PDZRN4: variants seen among roughly 807,000 people sequenced by gnomAD.
PDZRN4 encodes PDZ domain-containing RING finger protein 4.
A neutral mutation model predicts 99.0 loss-of-function variants in PDZRN4; 70 were observed. That is an observed-to-expected ratio of 0.71 (90% CI 0.58 to 0.86). The LOEUF (loss-of-function observed/expected upper bound fraction) is 0.86, where lower values mean the gene tolerates loss of function less well. Ranked by LOEUF, PDZRN4 falls within the 40% of genes least tolerant of loss-of-function variation. The pLI, the probability that PDZRN4 is intolerant of heterozygous loss-of-function variation, is 0.00. For synonymous variants in PDZRN4, 551 were observed against 501.6 expected (o/e 1.10, Z -1.32); for missense variants, 1,474 against 1,331.2 (o/e 1.11, Z -1.67).
chr12:41,349,218 C>T (rs2121033696), intron 3 of PDZRN4, among the ~76,000 whole-genome samples: 1 of 151,894 alleles, frequency 6.6e-6, no homozygotes, highest in South Asian at 2.1e-4. Context: ...AGTTTGAGAA[C>T]CACTGTTGTA....
chr12:41,513,896 CA>C (rs1938350804), intron 5 of PDZRN4, among the ~76,000 whole-genome samples: 2 of 152,042 alleles, frequency 1.3e-5, no homozygotes, highest in African/African-American at 4.8e-5. Context: ...GAAACCAATA[CA>C]CGAAAAATTT....
intron 3 of PDZRN4, among the ~76,000 whole-genome samples, chr12:41,236,171 A>G (rs1591979557): frequency 6.6e-6 from 1 of 152,214 alleles, no homozygotes; most frequent in Admixed American, 6.5e-5. Context: ...TAACACAGAT[A>G]AAAGTAAATG....
intron 3 of PDZRN4, among the ~76,000 whole-genome samples, chr12:41,387,781 A>C (rs1250942114): frequency 2.0e-5 from 3 of 152,212 alleles, no homozygotes; most frequent in African/African-American, 7.2e-5. Context: ...AAAATAACAG[A>C]TGCTGGTGAG....
intron 7 of PDZRN4, among the ~76,000 whole-genome samples, chr12:41,560,639 G>A (rs564190654): frequency 6.6e-6 from 1 of 152,098 alleles, no homozygotes; most frequent in Non-Finnish European, 1.5e-5. Flanking sequence ...CTCCCTTATT[G>A]CTGGGTCCTC....
chr12:41,455,722 A>T (rs1952812304), intron 3 of PDZRN4, among the ~76,000 whole-genome samples: 1 of 152,186 alleles, frequency 6.6e-6, no homozygotes, highest in Non-Finnish European at 1.5e-5. Context: ...TTTGGCTCCA[A>T]TAATACTTCC....
At position 41,406,660 on chromosome 12, in the gene PDZRN4, G is replaced by A. The variant is rs568421653; in HGVS notation, c.844-99796G>A. ...TGTAATCCCAGCACTTTGGGAGGCC[G>A]AGGCGGGCAGATCACCTGAGGTCAG... is the stretch of plus-strand genomic sequence containing the variant. On this transcript the variant is annotated intron_variant, in intron 3 of 9. Coordinates refer to ENST00000402685, the MANE Select transcript of PDZRN4 (RefSeq NM_001164595.2). Among the ~76,000 whole-genome samples the A allele has an allele frequency of 1.2e-3, 178 of 152,036 alleles. 1 individual carries two copies. Among genetic ancestry groups the A allele is most frequent in the Non-Finnish European group, 2.1e-3 (146 of 67,952 alleles).
intron 7 of PDZRN4, among the ~76,000 whole-genome samples, chr12:41,556,212 G>GA (rs911712430): frequency 6.6e-5 from 10 of 152,214 alleles, no homozygotes; most frequent in African/African-American, 2.4e-4. Flanking sequence ...GCCTTTTCCA[G>GA]AATAAATTAA....
At chr12:41,209,339 T>TATTTA (rs139006411) in intron 3 of PDZRN4, among the ~76,000 whole-genome samples, 2 of 150,100 alleles carry the variant, frequency 1.3e-5, no homozygotes, top group Non-Finnish European at 3.0e-5. Flanking sequence ...TCTTTTTATT[T>TATTTA]TTTTATTTAT....
chr12:41,433,597 G>T (rs1270943202), intron 3 of PDZRN4, among the ~76,000 whole-genome samples: 2 of 152,210 alleles, frequency 1.3e-5, no homozygotes, highest in Non-Finnish European at 2.9e-5. Flanking sequence ...AGTGGCAAGG[G>T]TAAAGAGAGG....
At chr12:41,253,397 T>C (rs1951184116) in intron 3 of PDZRN4, among the ~76,000 whole-genome samples, 1 of 152,148 alleles carries the variant, frequency 6.6e-6, no homozygotes, top group Non-Finnish European at 1.5e-5. Context: ...AGTTATCCAG[T>C]TTTATCAGTG....
At chr12:41,494,391 C>T (rs1394320556) in intron 3 of PDZRN4, among the ~76,000 whole-genome samples, 1 of 151,986 alleles carries the variant, frequency 6.6e-6, no homozygotes, top group East Asian at 1.9e-4. Flanking sequence ...AATTTCTGCA[C>T]CTCTAGGGGC....
chr12:41,285,111 A>G (rs1419570753), intron 3 of PDZRN4, among the ~76,000 whole-genome samples: 1 of 152,200 alleles, frequency 6.6e-6, no homozygotes, highest in Non-Finnish European at 1.5e-5. Flanking sequence ...TATCCATCTG[A>G]CAAAGGGCTA....
At chr12:41,542,797 G>A (rs1938880970) in intron 5 of PDZRN4, among the ~76,000 whole-genome samples, 1 of 152,044 alleles carries the variant, frequency 6.6e-6, no homozygotes, top group Admixed American at 6.5e-5. Context: ...ATAATTCTAG[G>A]AAGTAAATCA....
At chr12:41,230,706 T>A (rs1411746219) in intron 3 of PDZRN4, among the ~76,000 whole-genome samples, 1 of 152,050 alleles carries the variant, frequency 6.6e-6, no homozygotes, top group East Asian at 1.9e-4. Flanking sequence ...ACTTGAAAAT[T>A]TTTCGTCTTT....
At chr12:41,322,487 CTT>C (rs71081724) in intron 3 of PDZRN4, among the ~76,000 whole-genome samples, 1 of 91,210 alleles carries the variant, frequency 1.1e-5, no homozygotes, top group South Asian at 4.0e-4. Context: ...ATTTTCTTTC[CTT>C]TTTTTTTTTT....
chr12:41,408,122 A>C (rs531441830), intron 3 of PDZRN4, among the ~76,000 whole-genome samples: 2 of 152,378 alleles, frequency 1.3e-5, no homozygotes, highest in African/African-American at 4.8e-5. Flanking sequence ...AATGTCAGAA[A>C]TAATTTCAGG....
intron 3 of PDZRN4, among the ~76,000 whole-genome samples, chr12:41,376,941 C>T (rs1051989359): frequency 2.6e-5 from 4 of 152,162 alleles, no homozygotes; most frequent in South Asian, 4.1e-4. Flanking sequence ...CATTCTTCTG[C>T]ATGTGCATAT....
chr12:41,303,437 T>G (rs1051630447), intron 3 of PDZRN4, among the ~76,000 whole-genome samples: 6 of 152,150 alleles, frequency 3.9e-5, no homozygotes, highest in Non-Finnish European at 5.9e-5. Context: ...TCTAAAACTT[T>G]TGCATCTCTG....
At chr12:41,331,373 A>G (rs754676827) in intron 3 of PDZRN4, among the ~76,000 whole-genome samples, 10 of 152,178 alleles carry the variant, frequency 6.6e-5, no homozygotes, top group Admixed American at 5.9e-4. Context: ...ATAAACCTAG[A>G]AACAATTACA....
Sources: allele counts gnomAD v4.1 joint callset (sites outside exome capture counted in the v4.1 genomes callset), GRCh38; gene constraint gnomAD v4.1.1; transcripts MANE v1.5; gene names NCBI Gene and HGNC (gene_info 2026-07-23, HGNC 2026-07-21).